The following SMAD3 variants were observed in gnomAD, a reference collection of about 807,000 sequenced individuals.
SMAD3 encodes the protein SMAD family member 3.
In SMAD3, 12 loss-of-function variants were observed where a neutral mutation model predicts 51.8. The ratio of observed to expected loss-of-function variants is 0.23; its 90% CI spans 0.15 to 0.38. SMAD3 has a LOEUF of 0.38. SMAD3 is among the 10% of genes least tolerant of loss of function. The pLI is 1.00. For synonymous variants in SMAD3, 238 were observed against 227.7 expected (o/e 1.05, Z -0.41); for missense variants, 294 against 565.6 (o/e 0.52, Z 4.87).
At chr15:67,172,383 G>T (rs1049588287) in intron 5 of SMAD3, among the ~76,000 whole-genome samples, 1 of 152,208 alleles carries the variant, frequency 6.6e-6, no homozygotes, top group Non-Finnish European at 1.5e-5. Context: ...AGTGAGTCAG[G>T]GTTAGGCTTC....
intron 1 of SMAD3, among the ~76,000 whole-genome samples, chr15:67,122,574 G>A (rs532609367): frequency 2.3e-3 from 357 of 152,338 alleles, no homozygotes; most frequent in African/African-American, 8.3e-3. Context: ...CCAGAGAGGT[G>A]AGGGGATGCT....
intron 1 of SMAD3, among the ~76,000 whole-genome samples, chr15:67,149,686 C>T (rs1054951872): frequency 3.9e-5 from 6 of 152,004 alleles, no homozygotes; most frequent in African/African-American, 1.5e-4. Flanking sequence ...GAGGTCTGTA[C>T]CCTTAGACAG....
intron 1 of SMAD3, among the ~76,000 whole-genome samples, chr15:67,113,281 G>A (rs977016479): frequency 1.4e-5 from 2 of 147,434 alleles, no homozygotes; most frequent in African/African-American, 2.5e-5. Flanking sequence ...TAGTAGAGAC[G>A]AGGTTTCACC....
intron 1 of SMAD3, among the ~76,000 whole-genome samples, chr15:67,136,381 G>A (rs1238411450): frequency 2.0e-5 from 3 of 150,664 alleles, no homozygotes; most frequent in Non-Finnish European, 4.4e-5. Flanking sequence ...CACCCAGGCT[G>A]GAGTGCAGTG....
intron 1 of SMAD3, among the ~76,000 whole-genome samples, chr15:67,147,101 C>T (rs897871197): frequency 6.6e-6 from 1 of 152,190 alleles, no homozygotes; most frequent in African/African-American, 2.4e-5. Flanking sequence ...TAACGTTCCC[C>T]TCCATTGTTA....
intron 1 of SMAD3, among the ~76,000 whole-genome samples, chr15:67,073,420 G>A (rs1260391599): frequency 6.6e-6 from 1 of 152,204 alleles, no homozygotes; most frequent in Non-Finnish European, 1.5e-5. Context: ...GCAAAAGTTT[G>A]TTTAGCAGGC....
chr15:67,190,716 T>G lies in SMAD3; in HGVS notation c.*180T>G, dbSNP rs1378319549. 2 of 652,192 alleles carry G rather than the reference T, an allele frequency of 3.1e-6. No homozygotes were observed. The highest frequency in any genetic ancestry group is 2.7e-5 in the East Asian group (1 of 36,702). The allele number at this position is 652,192 out of a possible 1,614,324, so 40.4% of individuals were successfully genotyped here. On this transcript the variant is annotated 3_prime_UTR_variant, in exon 9 of 9. Transcript: ENST00000327367. ...CGAGCAAACCCAGAGGTGGATGTTA[T>G]GAACAGCTGTGTCTGCCAAACACAT...
intron 1 of SMAD3, among the ~76,000 whole-genome samples, chr15:67,110,327 G>C (rs1222465338): frequency 6.6e-6 from 1 of 152,182 alleles, no homozygotes; most frequent in African/African-American, 2.4e-5. Flanking sequence ...GCTGGTGGAG[G>C]AAAGGCCAGG....
intron 1 of SMAD3, among the ~76,000 whole-genome samples, chr15:67,163,559 A>G (rs1220138436): frequency 6.6e-6 from 1 of 152,146 alleles, no homozygotes; most frequent in East Asian, 1.9e-4. Context: ...TAAGCCACCC[A>G]GACTCTCATC....
chr15:67,123,432 G>T (rs1263336949), intron 1 of SMAD3, among the ~76,000 whole-genome samples: 1 of 152,190 alleles, frequency 6.6e-6, no homozygotes, highest in East Asian at 1.9e-4. Context: ...CCAGGAGGAG[G>T]AGTTTGCAGT....
chr15:67,077,783 A>G (rs11635145), intron 1 of SMAD3, among the ~76,000 whole-genome samples: 70,233 of 152,014 alleles, frequency 0.46, 16,562 homozygotes, highest in South Asian at 0.66. Flanking sequence ...AGGGCCTGAC[A>G]TCTAGGGAAG....
At chr15:67,132,680 A>G (rs370887011) in intron 1 of SMAD3, among the ~76,000 whole-genome samples, 2 of 152,276 alleles carry the variant, frequency 1.3e-5, no homozygotes, top group East Asian at 3.9e-4. Context: ...ACTCACCAAT[A>G]GGTTTGAGTT....
At chr15:67,129,364 G>A (rs1308883122) in intron 1 of SMAD3, among the ~76,000 whole-genome samples, 1 of 152,158 alleles carries the variant, frequency 6.6e-6, no homozygotes, top group Admixed American at 6.5e-5. Flanking sequence ...TGCCTTATGA[G>A]GTTTCAGTCA....
At chr15:67,102,583 C>G (rs12901820) in intron 1 of SMAD3, among the ~76,000 whole-genome samples, 146,683 of 152,116 alleles carry the variant, frequency 0.96, 70,951 homozygotes, top group East Asian at 1. Context: ...CTGGGATGAC[C>G]TGTGTGTATA....
At chr15:67,170,163 C>T (rs1962707785) in intron 4 of SMAD3, among the ~76,000 whole-genome samples, 1 of 152,178 alleles carries the variant, frequency 6.6e-6, no homozygotes, top group South Asian at 2.1e-4. Context: ...GAAGGGCTTC[C>T]CTGCTCCTCT....
chr15:67,068,400 C>G (rs1959976927), intron 1 of SMAD3, among the ~76,000 whole-genome samples: 1 of 152,198 alleles, frequency 6.6e-6, no homozygotes. Context: ...CTGGTGATAG[C>G]TTGGCAGAGA....
chr15:67,111,895 C>T lies in SMAD3; in HGVS notation c.206+45535C>T, dbSNP rs113002218. ...CTCTGCTTCCTGGGTTCAAGTGATTCTCCTGCCTCAGCCTCCTGAGTCACT... is the reference window on the plus strand; with the variant it reads ...CTCTGCTTCCTGGGTTCAAGTGATTTTCCTGCCTCAGCCTCCTGAGTCACT... On this transcript the variant is annotated intron_variant, in intron 1 of 8. Coordinates refer to ENST00000327367, the MANE Select transcript of SMAD3 (RefSeq NM_005902.4). 8.6e-3 allele frequency among the ~76,000 whole-genome samples: 1,314 copies of T among 152,038 alleles called. 23 individuals are homozygous for T. The highest frequency in any genetic ancestry group is 0.03 in the African/African-American group (1,255 of 41,480).
At chr15:67,156,170 A>G (rs1962278399) in intron 1 of SMAD3, among the ~76,000 whole-genome samples, 1 of 152,216 alleles carries the variant, frequency 6.6e-6, no homozygotes, top group South Asian at 2.1e-4. Context: ...CAGGGCATTC[A>G]TTGGCAACCC....
Position 67,191,209 on chromosome 15 carries a change from C to T in SMAD3, c.*673C>T, listed in dbSNP as rs1008751347. The T allele has an allele frequency of 2.1e-5, 5 of 233,560 alleles. No individual in the cohort carries two copies. Among genetic ancestry groups the T allele is most frequent in the East Asian group, 1.8e-4 (3 of 16,736 alleles). The allele number at this position is 233,560 out of a possible 1,614,324, so 14.5% of individuals were successfully genotyped here. A position where few individuals can be genotyped will look rare whatever the true frequency, so the allele number is the denominator to read the frequency against. On this transcript the variant is annotated 3_prime_UTR_variant, in exon 9 of 9. Transcript: ENST00000327367. ...CAGGACAGCGGGAAAAATCGATGAG[C>T]GCCACCTCTTTAAAAACTCACTTAC...
Sources: allele counts gnomAD v4.1 joint callset (sites outside exome capture counted in the v4.1 genomes callset), GRCh38; gene constraint gnomAD v4.1.1; transcripts MANE v1.5; gene names NCBI Gene and HGNC (gene_info 2026-07-23, HGNC 2026-07-21).